The following SYN3 variants were observed in gnomAD, a reference collection of about 807,000 sequenced individuals.
SYN3 encodes synapsin III.
A neutral mutation model predicts 65.8 loss-of-function variants in SYN3; 35 were observed. The ratio of observed to expected loss-of-function variants is 0.53; its 90% CI spans 0.41 to 0.70. The LOEUF (loss-of-function observed/expected upper bound fraction) is 0.70. Among genes scored for constraint, SYN3 ranks in the 30% least tolerant of loss-of-function variants. The pLI is 0.00. For missense variants in SYN3, 680 were observed against 749.0 expected (o/e 0.91, Z 1.08); for synonymous variants, 270 against 292.9 (o/e 0.92, Z 0.80).
chr22:32,590,691 T>C (rs1392217868), intron 7 of SYN3, among the ~76,000 whole-genome samples: 1 of 152,268 alleles, frequency 6.6e-6, no homozygotes, highest in African/African-American at 2.4e-5. Flanking sequence ...GCATTATTAA[T>C]CTTTTTAATT....
chr22:33,011,265 G>A (rs1302981423), intron 1 of SYN3, among the ~76,000 whole-genome samples: 1 of 152,172 alleles, frequency 6.6e-6, no homozygotes. Flanking sequence ...TTATTTGGAT[G>A]AGAGTTCTTA....
chr22:32,724,590 G>A (rs725338), intron 6 of SYN3, among the ~76,000 whole-genome samples: 36,423 of 152,076 alleles, frequency 0.24, 5,981 homozygotes, highest in East Asian at 0.63. Context: ...GAACCTCTTC[G>A]TATAGTGTCT....
At chr22:32,945,198 G>A (rs953382816) in intron 3 of SYN3, among the ~76,000 whole-genome samples, 15 of 152,100 alleles carry the variant, frequency 9.9e-5, no homozygotes, top group Non-Finnish European at 2.1e-4. Flanking sequence ...CTACTTTAAA[G>A]TTCATATGGA....
At chr22:32,841,470 G>A (rs1312144775) in intron 6 of SYN3, among the ~76,000 whole-genome samples, 1 of 152,178 alleles carries the variant, frequency 6.6e-6, no homozygotes, top group Non-Finnish European at 1.5e-5. Flanking sequence ...GTGCTAGGGT[G>A]TGCAGTAGAG....
At chr22:32,613,461 C>T (rs1014907508) in intron 6 of SYN3, among the ~76,000 whole-genome samples, 2 of 152,108 alleles carry the variant, frequency 1.3e-5, no homozygotes, top group African/African-American at 4.8e-5. Context: ...AACTTTGAAG[C>T]CATTCAGAGG....
At chr22:32,565,320 TG>T (rs1294400208) in intron 7 of SYN3, among the ~76,000 whole-genome samples, 1 of 152,186 alleles carries the variant, frequency 6.6e-6, no homozygotes, top group East Asian at 1.9e-4. Context: ...TTGTTGTCTC[TG>T]GAACTCCAGT....
At chr22:32,736,997 C>A (rs980626786) in intron 6 of SYN3, among the ~76,000 whole-genome samples, 1 of 152,138 alleles carries the variant, frequency 6.6e-6, no homozygotes, top group African/African-American at 2.4e-5. Context: ...ATCAATGGGT[C>A]CAAAACACCA....
intron 1 of SYN3, among the ~76,000 whole-genome samples, chr22:33,034,832 C>G (rs1342162413): frequency 6.6e-6 from 1 of 152,202 alleles, no homozygotes; most frequent in Non-Finnish European, 1.5e-5. Context: ...TCTAGTCTAT[C>G]TCGAGATGCA....
intron 1 of SYN3, among the ~76,000 whole-genome samples, chr22:33,020,910 C>A (rs1052256447): frequency 6.6e-6 from 1 of 152,200 alleles, no homozygotes; most frequent in African/African-American, 2.4e-5. Flanking sequence ...CCTCAGTTTT[C>A]TTATCTGCAA....
intron 6 of SYN3, among the ~76,000 whole-genome samples, chr22:32,710,989 G>C (rs1269520429): frequency 6.6e-6 from 1 of 152,122 alleles, no homozygotes; most frequent in African/African-American, 2.4e-5. Flanking sequence ...GCCTAACAGT[G>C]ACATGCCGGA....
intron 6 of SYN3, among the ~76,000 whole-genome samples, chr22:32,614,786 T>C (rs1305000881): frequency 6.6e-6 from 1 of 152,196 alleles, no homozygotes; most frequent in African/African-American, 2.4e-5. Context: ...CAAATGAAGC[T>C]GTGAAACCCA....
intron 4 of SYN3, among the ~76,000 whole-genome samples, chr22:32,890,050 G>A (rs1248042149): frequency 7.1e-6 from 1 of 140,808 alleles, no homozygotes; most frequent in Admixed American, 7.3e-5. Context: ...TTTGTTCTTG[G>A]GTAATTATTG....
intron 2 of SYN3, among the ~76,000 whole-genome samples, chr22:32,990,767 C>T (rs1277007787): frequency 6.6e-6 from 1 of 152,210 alleles, no homozygotes; most frequent in East Asian, 1.9e-4. Flanking sequence ...ATAGAATATT[C>T]GCTGGCAAGG....
At chr22:32,521,467 C>T (rs181084807) in intron 12 of SYN3, among the ~76,000 whole-genome samples, 93 of 104,210 alleles carry the variant, frequency 8.9e-4, no homozygotes, top group East Asian at 4.1e-3. Flanking sequence ...TTTTTTGAGA[C>T]GGAGTCTTGC....
At chr22:32,567,486 A>C (rs2058689923) in intron 7 of SYN3, among the ~76,000 whole-genome samples, 1 of 152,118 alleles carries the variant, frequency 6.6e-6, no homozygotes, top group Non-Finnish European at 1.5e-5. Context: ...CATGGAGCTT[A>C]TGGCAATGGT....
chr22:32,736,344 A>G (rs1235182838), intron 6 of SYN3, among the ~76,000 whole-genome samples: 2 of 152,330 alleles, frequency 1.3e-5, no homozygotes, highest in African/African-American at 4.8e-5. Flanking sequence ...TAAAAGTGCA[A>G]TTATGTGCAA....
rs143229085 is a variant in SYN3, at chr22:32,651,564, T to TTGAATGAA, written c.712-54836_712-54829dup. Among the ~76,000 whole-genome samples, 940 of 151,072 alleles carry TTGAATGAA rather than the reference T, an allele frequency of 6.2e-3. 13 individuals are homozygous for TTGAATGAA. The highest frequency in any genetic ancestry group is 0.021 in the African/African-American group (847 of 40,834). On this transcript the variant is annotated intron_variant, in intron 6 of 13. Coordinates refer to ENST00000358763, the MANE Select transcript of SYN3 (RefSeq NM_003490.4). ...AAGTCAGGAAGCCTTGGATGCATGC[T>TTGAATGAA]TGAATGAATGAATGAATGAATGAAA... is the stretch of plus-strand genomic sequence containing the variant.
At chr22:32,894,820 C>G (rs747545575) in intron 4 of SYN3, among the ~76,000 whole-genome samples, 24 of 152,174 alleles carry the variant, frequency 1.6e-4, no homozygotes, top group Non-Finnish European at 2.9e-4. Context: ...TGCTGGAGGC[C>G]TGCATAGAAT....
chr22:32,937,299 T>TA (rs1347969323), intron 3 of SYN3, among the ~76,000 whole-genome samples: 5 of 152,116 alleles, frequency 3.3e-5, no homozygotes, highest in African/African-American at 1.2e-4. Context: ...CTTGTAGAGA[T>TA]AAAAATTATA....
Sources: gnomAD v4.1 joint callset for allele counts (sites outside exome capture counted in the v4.1 genomes callset) on GRCh38, gnomAD v4.1.1 for gene constraint, MANE v1.5 for transcripts, NCBI Gene and HGNC (gene_info 2026-07-23, HGNC 2026-07-21) for gene names.